Variants in PCDHGA2 observed in about 807,000 individuals in gnomAD.
The protein encoded by PCDHGA2 is protocadherin gamma-A2.
In PCDHGA2, 40 loss-of-function variants were observed where a neutral mutation model predicts 59.2. The ratio of observed to expected loss-of-function variants is 0.68; its 90% CI spans 0.52 to 0.88. PCDHGA2 has a LOEUF of 0.88. Among genes scored for constraint, PCDHGA2 ranks in the 40% least tolerant of loss-of-function variants. PCDHGA2 has a pLI of 0.00. For missense variants in PCDHGA2, 1,226 were observed against 1,204.0 expected (o/e 1.02, Z -0.27); for synonymous variants, 560 against 526.0 (o/e 1.06, Z -0.89).
chr5:141,490,990 C>A lies in PCDHGA2; in HGVS notation c.2425-3817C>A, dbSNP rs1230384508. On this transcript the variant is annotated intron_variant, in intron 1 of 3. Transcript: ENST00000394576. The surrounding 1 kb of genome is among the most constrained non-coding windows in gnomAD (Gnocchi z 5.4). ...CCCCCAGCGTCTCCCTCGCTCTGCTCCTCCTGGCTCCTTGGTCACCAAGGT... is the reference window on the plus strand; with the variant it reads ...CCCCCAGCGTCTCCCTCGCTCTGCTACTCCTGGCTCCTTGGTCACCAAGGT... The A allele has an allele frequency of 6.2e-7, 1 of 1,614,102 alleles. No homozygotes were observed. The highest frequency in any genetic ancestry group is 8.5e-7 in the Non-Finnish European group (1 of 1,180,022).
chr5:141,400,371 C>A, intron 1 of PCDHGA2: 1 of 1,614,056 alleles, frequency 6.2e-7, no homozygotes, highest in South Asian at 1.1e-5. Flanking sequence ...CTTATTCCTA[C>A]AACCTATGTG....
rs180741728 is a variant in PCDHGA2 at position 141,505,088 on chromosome 5, G to A, written c.2484-305G>A. Among the ~76,000 whole-genome samples the A allele has an allele frequency of 3.7e-3, 563 of 152,300 alleles. 5 individuals carry two copies. Among genetic ancestry groups the A allele is most frequent in the Admixed American group, 0.011 (163 of 15,294 alleles). On this transcript the variant is annotated intron_variant, in intron 2 of 3. Coordinates refer to ENST00000394576, the MANE Select transcript of PCDHGA2 (RefSeq NM_018915.4). ...GAGGCAGGAGAATCGCTTGAACCCA[G>A]GAGGTGGATGTTGCAATGAGCCAAG...
intron 1 of PCDHGA2, among the ~76,000 whole-genome samples, chr5:141,463,380 A>G (rs994170903): frequency 2.0e-5 from 3 of 149,876 alleles, no homozygotes; most frequent in Admixed American, 6.7e-5. Context: ...ACAGTCTGAA[A>G]GTTGTCTCCA....
chr5:141,388,391 T>C, intron 1 of PCDHGA2: 2 of 1,613,964 alleles, frequency 1.2e-6, no homozygotes, highest in Non-Finnish European at 1.7e-6. Flanking sequence ...CACTGCAGAA[T>C]TACCAACTCA....
intron 1 of PCDHGA2, chr5:141,372,083 G>A (rs1381793721): frequency 1.2e-6 from 2 of 1,613,756 alleles, no homozygotes; most frequent in Non-Finnish European, 8.5e-7. Context: ...CGCTGGTGCT[G>A]TACCCAGCTC....
intron 1 of PCDHGA2, chr5:141,371,248 G>A (rs1561550190): frequency 6.2e-7 from 1 of 1,614,024 alleles, no homozygotes; most frequent in Admixed American, 1.7e-5. Context: ...ATCAATATTG[G>A]CAAGGAAGTG....
Position 141,490,900 on chromosome 5 carries a change from G to A in PCDHGA2, c.2425-3907G>A, listed in dbSNP as rs2099705863. 2 of 1,613,796 alleles carry A rather than the reference G, an allele frequency of 1.2e-6. No individual in the cohort carries two copies. The highest frequency in any genetic ancestry group is 2.7e-5 in the African/African-American group (2 of 75,050). ...TGCCAACACATCTCTGCATGTGTTT[G>A]TCCTAGACGAGAATGATAATGCCCC... On this transcript the variant is annotated intron_variant, in intron 1 of 3. Transcript: ENST00000394576. The surrounding 1 kb of genome is among the most constrained non-coding windows in gnomAD (Gnocchi z 5.4).
At chr5:141,384,661 G>C (rs777530436) in intron 1 of PCDHGA2, 1 of 1,614,226 alleles carries the variant, frequency 6.2e-7, no homozygotes. Context: ...CGGCTACCTG[G>C]TGACCAAGGT....
At chr5:141,408,851 G>A in intron 1 of PCDHGA2, 1 of 1,613,574 alleles carries the variant, frequency 6.2e-7, no homozygotes, top group Non-Finnish European at 8.5e-7. Context: ...TGCCTTGGAC[G>A]GAGGGGACCC....
Position 141,431,530 on chromosome 5 carries a change from G to A in PCDHGA2, c.2425-63277G>A. On this transcript the variant is annotated intron_variant, in intron 1 of 3. Transcript: ENST00000394576. The surrounding 1 kb of genome is among the most constrained non-coding windows in gnomAD (Gnocchi z 4.8). ...CGAGCGTTCCGGAGAATCTGGCCTT[G>A]GGCACGCAGCTGCTTGTAGTCAACG... 3 of 1,614,072 alleles carry A rather than the reference G, an allele frequency of 1.9e-6. No homozygotes were observed. In the South Asian group the frequency reaches 3.3e-5, roughly 18 times the overall value.
chr5:141,403,256 T>G, intron 1 of PCDHGA2: 3 of 1,613,854 alleles, frequency 1.9e-6, no homozygotes, highest in Non-Finnish European at 2.5e-6. Flanking sequence ...GAGCCCGCGG[T>G]GTCTGGTGAA....
At position 141,476,251 on chromosome 5, in the gene PCDHGA2, C is replaced by T; in HGVS notation, c.2425-18556C>T. On this transcript the variant is annotated intron_variant, in intron 1 of 3. Coordinates refer to ENST00000394576, the MANE Select transcript of PCDHGA2 (RefSeq NM_018915.4). This position sits in a 1 kb window ranked among gnomAD's most constrained non-coding sequence, Gnocchi z 7.6. The stretch of plus-strand genomic sequence containing the variant: ...TCCCGGAGGAAAGAGAGAAGGGTTT[C>T]GCTGTGGGCAACGTGGTCGCGAACC... 1 of 1,613,866 alleles carries T rather than the reference C, an allele frequency of 6.2e-7. No homozygotes were observed. The highest frequency in any genetic ancestry group is 8.5e-7 in the Non-Finnish European group (1 of 1,179,978).
chr5:141,387,570 A>G, intron 1 of PCDHGA2: 1 of 455,170 alleles, frequency 2.2e-6, no homozygotes, highest in South Asian at 4.2e-5. Flanking sequence ...CACAATTATA[A>G]TTATTGCACT....
intron 1 of PCDHGA2, among the ~76,000 whole-genome samples, chr5:141,464,263 T>TA (rs35224477): frequency 7.1e-4 from 74 of 103,538 alleles, no homozygotes; most frequent in East Asian, 1.9e-3. Flanking sequence ...AGACTCCGTC[T>TA]AAAAAAAAAA....
chr5:141,398,964 T>C lies in PCDHGA2; in HGVS notation c.2424+57569T>C, dbSNP rs768223911. 1.5e-5 allele frequency: 25 copies of C among 1,613,826 alleles called. No homozygotes were observed. In the South Asian group the frequency reaches 2.4e-4, roughly 16 times the overall value. On this transcript the variant is annotated intron_variant, in intron 1 of 3. Coordinates refer to ENST00000394576, the MANE Select transcript of PCDHGA2 (RefSeq NM_018915.4). ...AGGGCATCAACTCAGAAATTACTTA[T>C]TCCTTCTACAGAACCGGGCAAATCT...
At chr5:141,344,597 G>C (rs199666918) in intron 1 of PCDHGA2, 1 of 1,613,810 alleles carries the variant, frequency 6.2e-7, no homozygotes, top group African/African-American at 1.3e-5. Flanking sequence ...TCTCTGAGGG[G>C]GCCAAGTATC....
At chr5:141,375,657 TGA>T in intron 1 of PCDHGA2, 1 of 1,614,192 alleles carries the variant, frequency 6.2e-7, no homozygotes, top group Non-Finnish European at 8.5e-7. Flanking sequence ...TATGAGCAGT[TGA>T]GAGACCTACA....
At chr5:141,401,226 C>T (rs960294428) in intron 1 of PCDHGA2, among the ~76,000 whole-genome samples, 1 of 152,102 alleles carries the variant, frequency 6.6e-6, no homozygotes, top group African/African-American at 2.4e-5. Context: ...CCTGTAATCC[C>T]AGCTACTCAG....
At chr5:141,456,971 A>G (rs1031714073) in intron 1 of PCDHGA2, among the ~76,000 whole-genome samples, 1 of 147,384 alleles carries the variant, frequency 6.8e-6, no homozygotes, top group Non-Finnish European at 1.5e-5. Context: ...TCAAAACAAA[A>G]CAAACAAACA....
Sources: gnomAD v4.1 joint callset for allele counts (sites outside exome capture counted in the v4.1 genomes callset) on GRCh38, gnomAD v4.1.1 for gene constraint, Gnocchi (gnomAD v3.1) non-coding constraint, MANE v1.5 for transcripts, NCBI Gene and HGNC (gene_info 2026-07-23, HGNC 2026-07-21) for gene names.